The following UTRN variants were observed in gnomAD, a reference collection of about 807,000 sequenced individuals.
The protein encoded by UTRN is utrophin.
A neutral mutation model predicts 463.9 loss-of-function variants in UTRN; 283 were observed. That is an observed-to-expected ratio of 0.61 (90% CI 0.55 to 0.67). The LOEUF is 0.67. Ranked by LOEUF, UTRN falls within the 30% of genes least tolerant of loss-of-function variation. The pLI, the probability that UTRN is intolerant of heterozygous loss-of-function variation, is 0.00. For synonymous variants in UTRN, 1,442 were observed against 1,431.5 expected (o/e 1.01, Z -0.17); for missense variants, 3,922 against 4,084.3 (o/e 0.96, Z 1.08).
chr6:144,553,279 C>A (rs1206650022), intron 48 of UTRN, among the ~76,000 whole-genome samples: 3 of 152,148 alleles, frequency 2.0e-5, no homozygotes, highest in Admixed American at 1.3e-4. Flanking sequence ...TTCAGGTGAT[C>A]CACCTGCCTC....
At chr6:144,356,945 G>T (rs1039960510) in intron 2 of UTRN, among the ~76,000 whole-genome samples, 3 of 133,552 alleles carry the variant, frequency 2.2e-5, no homozygotes, top group Admixed American at 1.5e-4. Flanking sequence ...TTTCTTTATA[G>T]TTAAATCACC....
intron 51 of UTRN, among the ~76,000 whole-genome samples, chr6:144,677,071 A>T (rs9403577): frequency 0.16 from 24,775 of 151,352 alleles, 2,234 homozygotes; most frequent in Middle Eastern, 0.28. Context: ...TACATTTTTT[A>T]AAAAAATTGA....
intron 46 of UTRN, among the ~76,000 whole-genome samples, chr6:144,546,163 A>G (rs1311653827): frequency 1.3e-5 from 2 of 152,184 alleles, no homozygotes; most frequent in African/African-American, 4.8e-5. Context: ...TGTAGGGTGT[A>G]TATCTAGTGA....
intron 52 of UTRN, among the ~76,000 whole-genome samples, chr6:144,680,381 A>G (rs1782084944): frequency 6.6e-6 from 1 of 152,196 alleles, no homozygotes; most frequent in Non-Finnish European, 1.5e-5. Flanking sequence ...CAGTTGGAAT[A>G]TTATGTAATA....
intron 65 of UTRN, among the ~76,000 whole-genome samples, chr6:144,815,384 A>G (rs1260566593): frequency 6.6e-6 from 1 of 152,204 alleles, no homozygotes; most frequent in Non-Finnish European, 1.5e-5. Context: ...GTATATATGA[A>G]TGGGAGTTTA....
intron 2 of UTRN, among the ~76,000 whole-genome samples, chr6:144,322,451 G>A (rs1458206868): frequency 6.6e-6 from 1 of 152,128 alleles, no homozygotes; most frequent in Non-Finnish European, 1.5e-5. Context: ...CTTCTCAGCT[G>A]CCCTGCAGGG....
chr6:144,391,533 C>T (rs1193418755), intron 2 of UTRN, among the ~76,000 whole-genome samples: 1 of 152,154 alleles, frequency 6.6e-6, no homozygotes, highest in Admixed American at 6.5e-5. Context: ...AAGTTTCAGA[C>T]CAAATCCTGC....
chr6:144,376,643 T>C (rs1348502717), intron 2 of UTRN, among the ~76,000 whole-genome samples: 1 of 152,094 alleles, frequency 6.6e-6, no homozygotes. Flanking sequence ...ATTTCTAGAA[T>C]TTTTCTAGAA....
At chr6:144,747,921 A>T (rs969795780) in intron 54 of UTRN, among the ~76,000 whole-genome samples, 12 of 152,234 alleles carry the variant, frequency 7.9e-5, no homozygotes, top group Non-Finnish European at 1.6e-4. Context: ...AACTGAATTT[A>T]TGATAAAGAA....
At position 144,386,591 on chromosome 6, in the gene UTRN, A is replaced by G. The variant is rs1354851390; in HGVS notation, c.80-16532A>G. Among the ~76,000 whole-genome samples the G allele has an allele frequency of 3.3e-5, 5 of 152,144 alleles. No individual in the cohort carries two copies. The South Asian group carries it at 1.0e-3, about 31-fold the overall frequency. On this transcript the variant is annotated intron_variant, in intron 2 of 74. Transcript: ENST00000367545. ...TTTTATTTATTAACTTCCAATTTAT[A>G]CCCTTTTAGGCAAAGAGTTCTGTGA...
In UTRN at chr6:144,635,514, C is replaced by CTTTTTTTTTTT. The variant is rs1402815648; in HGVS notation, c.7480-42887_7480-42877dup. On this transcript the variant is annotated intron_variant, in intron 51 of 74. Coordinates refer to ENST00000367545, the MANE Select transcript of UTRN (RefSeq NM_007124.3). ...TACTTAGCAGCTAGCCTTTTTTTTT[C>CTTTTTTTTTTT]TTTTTTTTTTTTTTTCTTTTCTTTT... Among the ~76,000 whole-genome samples, 66 of 80,002 alleles carry CTTTTTTTTTTT rather than the reference C, an allele frequency of 8.2e-4. 1 individual carries two copies. The highest frequency in any genetic ancestry group is 1.2e-3 in the Admixed American group (6 of 5,170). The allele number at this position is 80,002 out of a possible 152,430, so 52.5% of individuals were successfully genotyped here. A position where few individuals can be genotyped will look rare whatever the true frequency, so the allele number is the denominator to read the frequency against.
At chr6:144,771,719 CT>C (rs1431566866) in intron 58 of UTRN, among the ~76,000 whole-genome samples, 187 bp from the exon 59 acceptor site, 1 of 151,950 alleles carries the variant, frequency 6.6e-6, no homozygotes, top group Admixed American at 6.6e-5. Flanking sequence ...GCCACTGCCC[CT>C]GGCCAATGTT....
chr6:144,415,641 A>G (rs142532935), intron 3 of UTRN, among the ~76,000 whole-genome samples: 1 of 152,318 alleles, frequency 6.6e-6, no homozygotes, highest in East Asian at 1.9e-4. Flanking sequence ...GTGGGACCAG[A>G]TCTCACAAGA....
At chr6:144,442,200 G>C (rs1273800073) in intron 13 of UTRN, among the ~76,000 whole-genome samples, 1 of 152,154 alleles carries the variant, frequency 6.6e-6, no homozygotes, top group Non-Finnish European at 1.5e-5. Flanking sequence ...GCATTGTCAG[G>C]CTGCAAATTT....
intron 58 of UTRN, among the ~76,000 whole-genome samples, chr6:144,770,534 G>A (rs1214128416): frequency 6.6e-6 from 1 of 152,086 alleles, no homozygotes; most frequent in African/African-American, 2.4e-5. Context: ...TAAATGTTAT[G>A]AATCTACCCT....
intron 32 of UTRN, 51 bp downstream of exon 32, chr6:144,491,153 A>T (rs1404582225): frequency 6.5e-7 from 1 of 1,545,224 alleles, no homozygotes; most frequent in Admixed American, 1.9e-5. Context: ...AGCAGCTGTT[A>T]TGGCTTGGTC....
intron 54 of UTRN, among the ~76,000 whole-genome samples, chr6:144,732,245 T>C (rs866996344): frequency 0.14 from 14,596 of 107,858 alleles, 1,256 homozygotes; most frequent in East Asian, 0.54. Flanking sequence ...TATACATATA[T>C]ATATATATAT....
At chr6:144,421,039 C>G (rs1220761528) in intron 3 of UTRN, among the ~76,000 whole-genome samples, 1 of 152,102 alleles carries the variant, frequency 6.6e-6, no homozygotes, top group East Asian at 1.9e-4. Flanking sequence ...TGGAGTCTTG[C>G]CATGTTGCCC....
At chr6:144,289,201 C>T (rs1334727802) in intron 1 of UTRN, among the ~76,000 whole-genome samples, 1 of 152,236 alleles carries the variant, frequency 6.6e-6, no homozygotes. Flanking sequence ...CTGCTATCCT[C>T]AGTGTTGCCC....
Sources: gnomAD v4.1 joint callset for allele counts (sites outside exome capture counted in the v4.1 genomes callset) on GRCh38, gnomAD v4.1.1 for gene constraint, MANE v1.5 for transcripts, NCBI Gene and HGNC (gene_info 2026-07-23, HGNC 2026-07-21) for gene names.